The following SPON1 variants were observed in gnomAD, a reference collection of about 807,000 sequenced individuals.
The protein encoded by SPON1 is spondin 1.
A neutral mutation model predicts 111.7 loss-of-function variants in SPON1; 52 were observed. The ratio of observed to expected loss-of-function variants is 0.47; its 90% CI spans 0.37 to 0.59. The LOEUF is 0.59. SPON1 is among the 20% of genes least tolerant of loss of function. The probability of loss-of-function intolerance (pLI) is 0.00; values close to 1 mark genes in which losing one functional copy is unlikely to be tolerated. For missense variants in SPON1, 957 were observed against 1,068.5 expected (o/e 0.90, Z 1.46); for synonymous variants, 410 against 395.8 (o/e 1.04, Z -0.43).
intron 5 of SPON1, among the ~76,000 whole-genome samples, chr11:14,088,206 A>G (rs540248023): frequency 6.6e-6 from 1 of 152,254 alleles, no homozygotes; most frequent in Non-Finnish European, 1.5e-5. Flanking sequence ...ACATTTGTTG[A>G]TGCAGTTTCT....
chr11:14,031,262 C>G (rs1881519), intron 2 of SPON1, among the ~76,000 whole-genome samples: 44,825 of 152,054 alleles, frequency 0.29, 7,787 homozygotes, highest in South Asian at 0.5. Context: ...GTGCTCACTA[C>G]CTGGGTGATG....
chr11:14,099,491 G>A (rs1410494043), intron 5 of SPON1, among the ~76,000 whole-genome samples: 1 of 151,990 alleles, frequency 6.6e-6, no homozygotes, highest in Non-Finnish European at 1.5e-5. Flanking sequence ...AATTTTCTTA[G>A]TGTAGCTCTG....
chr11:14,012,561 C>T (rs1245913921), intron 2 of SPON1, among the ~76,000 whole-genome samples: 1 of 152,120 alleles, frequency 6.6e-6, no homozygotes, highest in Non-Finnish European at 1.5e-5. Context: ...ATACTGCAGC[C>T]TTCTAAGTGT....
intron 6 of SPON1, among the ~76,000 whole-genome samples, chr11:14,142,504 T>C (rs1358994142): frequency 1.3e-5 from 2 of 152,218 alleles, no homozygotes; most frequent in African/African-American, 4.8e-5. Flanking sequence ...AGGGTATAAA[T>C]TAAGCCTTCA....
chr11:14,175,163 T>C (rs1223602357), intron 6 of SPON1, among the ~76,000 whole-genome samples: 1 of 152,228 alleles, frequency 6.6e-6, no homozygotes, highest in Non-Finnish European at 1.5e-5. Context: ...CCTTAGCTAC[T>C]GAGCTGTACA....
chr11:13,965,896 T>C (rs1848012321), intron 1 of SPON1, among the ~76,000 whole-genome samples: 1 of 152,224 alleles, frequency 6.6e-6, no homozygotes, highest in Admixed American at 6.5e-5. Context: ...AATTTTTTCA[T>C]GAATTAGGAT....
intron 6 of SPON1, among the ~76,000 whole-genome samples, chr11:14,221,637 A>G (rs1293950278): frequency 2.0e-5 from 3 of 152,182 alleles, no homozygotes; most frequent in Admixed American, 1.3e-4. Context: ...AGGTGGCCCT[A>G]ATATGTCCTC....
At chr11:14,052,450 C>A (rs1323439826) in intron 3 of SPON1, among the ~76,000 whole-genome samples, 1 of 152,170 alleles carries the variant, frequency 6.6e-6, no homozygotes, top group African/African-American at 2.4e-5. Context: ...GCAAGAGGAA[C>A]TACAGGCTCC....
In SPON1 at chr11:14,193,664, C is replaced by G. The variant is rs578200259; in HGVS notation, c.826-49668C>G. On this transcript the variant is annotated intron_variant, in intron 6 of 15. Transcript: ENST00000576479. ...TCTGCCTTTTCCCTCTCTGGCCCTC[C>G]TCAGACAAGCAGAGCTGAGACTCTG... Among the ~76,000 whole-genome samples the G allele has an allele frequency of 2.6e-5, 4 of 152,256 alleles. No homozygotes were observed. In the South Asian group the frequency reaches 8.3e-4, roughly 32 times the overall value.
At chr11:13,993,867 A>G (rs2133788710) in intron 2 of SPON1, among the ~76,000 whole-genome samples, 1 of 152,326 alleles carries the variant, frequency 6.6e-6, no homozygotes, top group South Asian at 2.1e-4. Context: ...TTATAATACT[A>G]TTCATTGCCT....
At chr11:14,095,742 T>G (rs1030813479) in intron 5 of SPON1, among the ~76,000 whole-genome samples, 13 of 152,250 alleles carry the variant, frequency 8.5e-5, no homozygotes, top group African/African-American at 3.1e-4. Flanking sequence ...ACACGGGGGA[T>G]GGAAGTCTCC....
At chr11:14,138,002 A>G (rs1422684971) in intron 6 of SPON1, among the ~76,000 whole-genome samples, 2 of 152,252 alleles carry the variant, frequency 1.3e-5, no homozygotes, top group Non-Finnish European at 2.9e-5. Flanking sequence ...CAACATTAAA[A>G]TAAGCAAGAA....
At chr11:14,048,302 G>C (rs1378918885) in intron 3 of SPON1, among the ~76,000 whole-genome samples, 1 of 152,190 alleles carries the variant, frequency 6.6e-6, no homozygotes, top group Non-Finnish European at 1.5e-5. Context: ...GACAGATAAA[G>C]AGGGGGATAC....
intron 6 of SPON1, among the ~76,000 whole-genome samples, chr11:14,160,457 ATATATATATATTTATATATATATT>A (rs1564918906): frequency 1.3e-4 from 1 of 7,688 alleles, no homozygotes; most frequent in African/African-American, 4.9e-4. Flanking sequence ...ATATATATTT[ATATATATATATTTATATATATATT>A]TATATATATA....
At chr11:13,970,524 G>GGTGACT (rs1554908473) in intron 1 of SPON1, among the ~76,000 whole-genome samples, 1 of 152,180 alleles carries the variant, frequency 6.6e-6, no homozygotes, top group Non-Finnish European at 1.5e-5. Flanking sequence ...AGTGTGGGCA[G>GGTGACT]GTGGGCACAG....
At chr11:14,055,887 T>G (rs1554919137) in intron 3 of SPON1, among the ~76,000 whole-genome samples, 1 of 152,198 alleles carries the variant, frequency 6.6e-6, no homozygotes, top group African/African-American at 2.4e-5. Flanking sequence ...TGCTCTCAGC[T>G]CCTGGCCTGT....
At chr11:14,083,093 T>C (rs1437472554) in intron 5 of SPON1, among the ~76,000 whole-genome samples, 1 of 152,188 alleles carries the variant, frequency 6.6e-6, no homozygotes, top group African/African-American at 2.4e-5. Flanking sequence ...AAAATAAACC[T>C]AGTAAATTAA....
chr11:14,005,131 T>C (rs1554912956), intron 2 of SPON1, among the ~76,000 whole-genome samples: 1 of 152,178 alleles, frequency 6.6e-6, no homozygotes, highest in African/African-American at 2.4e-5. Flanking sequence ...TGGTGTGATA[T>C]CCAAAAAAAT....
chr11:14,018,086 T>C (rs1383397361), intron 2 of SPON1, among the ~76,000 whole-genome samples: 1 of 152,210 alleles, frequency 6.6e-6, no homozygotes, highest in Non-Finnish European at 1.5e-5. Flanking sequence ...ACTTTTCTTA[T>C]GAAATAACCA....
Sources: allele counts gnomAD v4.1 joint callset (sites outside exome capture counted in the v4.1 genomes callset), GRCh38; gene constraint gnomAD v4.1.1; transcripts MANE v1.5; gene names NCBI Gene and HGNC (gene_info 2026-07-23, HGNC 2026-07-21).